TANC2: variants seen among roughly 807,000 people sequenced by gnomAD.
TANC2 encodes protein TANC2.
Under a neutral mutation model 210.5 loss-of-function variants are expected in TANC2, and 26 were observed. The ratio of observed to expected loss-of-function variants is 0.12; its 90% CI spans 0.09 to 0.17. The LOEUF is 0.17. Ranked by LOEUF, TANC2 falls within the 10% of genes least tolerant of loss-of-function variation. The probability of loss-of-function intolerance (pLI) is 1.00; values close to 1 mark genes in which losing one functional copy is unlikely to be tolerated. For synonymous variants in TANC2, 931 were observed against 967.1 expected (o/e 0.96, Z 0.69); for missense variants, 2,129 against 2,608.9 (o/e 0.82, Z 4.01).
intron 3 of TANC2, among the ~76,000 whole-genome samples, chr17:63,082,023 T>C (rs62076626): frequency 2.0e-5 from 3 of 151,826 alleles, no homozygotes; most frequent in Middle Eastern, 6.3e-3. Context: ...AAAAAAAAGT[T>C]AGCTGGGCGT....
At chr17:63,409,238 C>G (rs1175262304) in intron 21 of TANC2, among the ~76,000 whole-genome samples, 1 of 152,078 alleles carries the variant, frequency 6.6e-6, no homozygotes, top group Non-Finnish European at 1.5e-5. Flanking sequence ...GTGGCCTGAT[C>G]ATAGCTCACC....
intron 7 of TANC2, among the ~76,000 whole-genome samples, chr17:63,227,911 C>T (rs1342135522): frequency 4.6e-5 from 7 of 151,866 alleles, no homozygotes; most frequent in African/African-American, 1.5e-4. Context: ...TCACCCAGGC[C>T]GGAGTGCAGT....
chr17:63,045,453 A>G (rs2035341418), intron 2 of TANC2, among the ~76,000 whole-genome samples: 1 of 152,102 alleles, frequency 6.6e-6, no homozygotes, highest in Non-Finnish European at 1.5e-5. Flanking sequence ...TTTTTATACT[A>G]CGTGTTATTT....
exon 26 of TANC2, chr17:63,415,552 C>G (rs753474791): frequency 6.2e-7 from 1 of 1,613,818 alleles, no homozygotes; most frequent in African/African-American, 1.3e-5. Flanking sequence ...GGAAGCTGCC[C>G]AGCGCTACCA....
At position 63,340,433 on chromosome 17, in the gene TANC2, T is replaced by C. The variant is rs553772677; in HGVS notation, c.1807+101T>C. The C allele has an allele frequency of 4.2e-6, 4 of 955,760 alleles. No individual in the cohort carries two copies. The African/African-American group carries it at 5.3e-5, about 13-fold the overall frequency. 59.2% of individuals were successfully genotyped at this position (955,760 alleles called of 1,614,324 possible). A position where few individuals can be genotyped will look rare whatever the true frequency, so the allele number is the denominator to read the frequency against. ...ATTGATTTTATCACATTGCCAAAAC[T>C]AAATGTTCCATAGCTGGATATCCTG... is the stretch of plus-strand genomic sequence containing the variant. On this transcript the variant is annotated intron_variant, in intron 12 of 27. Transcript: ENST00000689528.
Position 63,412,652 on chromosome 17 carries a change from A to G in TANC2, c.3899-28A>G. On this transcript the variant is annotated intron_variant, in intron 23 of 27. Transcript: ENST00000689528. This position sits in a 1 kb window ranked among gnomAD's most constrained non-coding sequence, Gnocchi z 4.2. ...CATCCATTTTTTTTTCCTCTCCTAC[A>G]ACTTTTTGTTTTCTCCTTTCTTTGA... The G allele has an allele frequency of 6.6e-7, 1 of 1,521,044 alleles. No individual in the cohort carries two copies. Among genetic ancestry groups the G allele is most frequent in the Non-Finnish European group, 8.8e-7 (1 of 1,141,168 alleles). The allele number at this position is 1,521,044 out of a possible 1,614,324, so 94.2% of individuals were successfully genotyped here. A position where few individuals can be genotyped will look rare whatever the true frequency, so the allele number is the denominator to read the frequency against.
chr17:62,992,378 G>T (rs1163519580), intron 1 of TANC2, among the ~76,000 whole-genome samples: 1 of 152,178 alleles, frequency 6.6e-6, no homozygotes, highest in Non-Finnish European at 1.5e-5. Flanking sequence ...GTTCTTATGT[G>T]ATATGTTGTG....
At chr17:63,367,327 C>T (rs1258219107) in intron 14 of TANC2, among the ~76,000 whole-genome samples, 1 of 152,232 alleles carries the variant, frequency 6.6e-6, no homozygotes, top group Non-Finnish European at 1.5e-5. Flanking sequence ...CCATGGGCCA[C>T]ATGTGTCCCC....
Position 63,253,280 on chromosome 17 carries a change from TTG to T in TANC2, c.1034-14464_1034-14463del, listed in dbSNP as rs1346030798. On this transcript the variant is annotated intron_variant, in intron 8 of 27. Transcript: ENST00000689528. ...ATGTCTATTTTTGCCCATTTTAAAA[TTG>T]TGTTACTAGATTTTTTTCCTATAGA... Among the ~76,000 whole-genome samples, 6 of 152,324 alleles carry T rather than the reference TTG, an allele frequency of 3.9e-5. No homozygotes were observed. The East Asian group carries it at 5.8e-4, about 15-fold the overall frequency.
intron 5 of TANC2, chr17:63,153,775 A>G (rs2039741678): frequency 1.3e-5 from 2 of 152,156 alleles, no homozygotes; most frequent in African/African-American, 4.8e-5. Context: ...TGTGTTATCT[A>G]AACTTAAACC....
intron 9 of TANC2, among the ~76,000 whole-genome samples, chr17:63,306,282 C>T (rs1407279042): frequency 6.6e-6 from 1 of 152,146 alleles, no homozygotes; most frequent in Non-Finnish European, 1.5e-5. Flanking sequence ...AAGTTTACTT[C>T]TTAAATAGCA....
At chr17:62,989,744 G>T (rs1389144890) in intron 1 of TANC2, among the ~76,000 whole-genome samples, 1 of 148,878 alleles carries the variant, frequency 6.7e-6, no homozygotes, top group Non-Finnish European at 1.5e-5. Context: ...TTCCTGCAAA[G>T]CTCATAGAAT....
chr17:63,067,321 C>T (rs1014608350), intron 2 of TANC2, among the ~76,000 whole-genome samples: 1 of 152,026 alleles, frequency 6.6e-6, no homozygotes, highest in Non-Finnish European at 1.5e-5. Context: ...GATTTTAATG[C>T]AACTATTATA....
At position 63,267,937 on chromosome 17, in the gene TANC2, A is replaced by G. The variant is rs879130770; in HGVS notation, c.1159+64A>G. The G allele has an allele frequency of 3.6e-5, 56 of 1,542,086 alleles. No individual in the cohort carries two copies. The South Asian group carries it at 6.7e-4, about 18-fold the overall frequency. On this transcript the variant is annotated intron_variant, in intron 9 of 27. Coordinates refer to ENST00000689528, the Ensembl canonical transcript of TANC2. Reference sequence around the variant, plus strand: ...AGATGGAAATGGGCAAAAGCCAAAAAGTTGCTTTGTCTCCTATTCCCATAC... The same window carrying G: ...AGATGGAAATGGGCAAAAGCCAAAAGGTTGCTTTGTCTCCTATTCCCATAC...
Position 63,137,095 on chromosome 17 carries a change from AT to A in TANC2, c.323-14167del, listed in dbSNP as rs1290447281. On this transcript the variant is annotated intron_variant, in intron 4 of 27. Transcript: ENST00000689528. Reference sequence around the variant, plus strand: ...GGGAGATTTTTATTTTTTATTTTTTATTTTTTTTCATTCTGACCAGAAAGAT... The same window carrying A: ...GGGAGATTTTTATTTTTTATTTTTTATTTTTTTCATTCTGACCAGAAAGAT... Among the ~76,000 whole-genome samples, 4 of 152,012 alleles carry A rather than the reference AT, an allele frequency of 2.6e-5. No homozygotes were observed. The East Asian group carries it at 7.7e-4, about 29-fold the overall frequency.
At chr17:63,255,931 A>T (rs1298272204) in intron 8 of TANC2, among the ~76,000 whole-genome samples, 1 of 125,412 alleles carries the variant, frequency 8.0e-6, no homozygotes, top group Non-Finnish European at 1.6e-5. Flanking sequence ...TTTTTGAGAC[A>T]GTCTCACTCT....
chr17:63,356,340 T>C (rs2046781990), intron 14 of TANC2, among the ~76,000 whole-genome samples: 1 of 152,178 alleles, frequency 6.6e-6, no homozygotes, highest in Non-Finnish European at 1.5e-5. Context: ...ACTGACTTCA[T>C]GGAAACAAAG....
intron 1 of TANC2, among the ~76,000 whole-genome samples, chr17:63,008,295 A>G (rs1484298770): frequency 6.6e-6 from 1 of 152,086 alleles, no homozygotes; most frequent in Non-Finnish European, 1.5e-5. Flanking sequence ...TCACGCTCTT[A>G]TGAAATTTCA....
intron 1 of TANC2, among the ~76,000 whole-genome samples, chr17:62,977,805 T>A (rs1177159969): frequency 6.6e-6 from 1 of 152,198 alleles, no homozygotes; most frequent in East Asian, 1.9e-4. Flanking sequence ...CTCCCTTCTC[T>A]AGTTATATTC....
Sources: allele counts gnomAD v4.1 joint callset (sites outside exome capture counted in the v4.1 genomes callset), GRCh38; gene constraint gnomAD v4.1.1; non-coding constraint Gnocchi (gnomAD v3.1); transcripts MANE v1.5; gene names NCBI Gene and HGNC (gene_info 2026-07-23, HGNC 2026-07-21).